The following MCM7 variants were observed in gnomAD, a reference collection of about 807,000 sequenced individuals.
MCM7 encodes DNA replication licensing factor MCM7.
Under a neutral mutation model 83.5 loss-of-function variants are expected in MCM7, and 95 were observed. The observed-to-expected ratio is 1.14, with a 90% CI of 0.96 to 1.35. The LOEUF is 1.35. MCM7 is among the 40% of genes most tolerant of loss of function. The pLI is 0.00. For missense variants in MCM7, 1,087 were observed against 957.4 expected, an observed-to-expected ratio of 1.14 and a Z score of -1.79; for synonymous variants, 461 against 352.7, an observed-to-expected ratio of 1.31 and a Z score of -3.44.
intron 5 of MCM7, 66 bp downstream of exon 5, chr7:100,098,957 G>C (rs1437513077): frequency 3.1e-6 from 5 of 1,592,810 alleles, no homozygotes; most frequent in Non-Finnish European, 4.3e-6. Context: ...GGCATCACAG[G>C]ATCAAATTAA....
rs745335018 is a variant in MCM7, at chr7:100,093,678, A to C, written c.1849-277T>G. On this transcript the variant is annotated intron_variant, in intron 13 of 14. Coordinates refer to ENST00000303887, the MANE Select transcript of MCM7 (RefSeq NM_005916.5). ...GTTCAGCTGTCCTGTGAGGGAGACC[A>C]GACCCTTTTGAACGCCACTGGGCTC... 1.1e-5 allele frequency: 8 copies of C among 711,490 alleles called. No homozygotes were observed. The Admixed American group carries it at 1.4e-4, about 13-fold the overall frequency. The allele number at this position is 711,490 out of a possible 1,614,324, so 44.1% of individuals were successfully genotyped here.
chr7:100,099,895 C>A, intron 2 of MCM7, 119 bp downstream of exon 2: 1 of 1,424,290 alleles, frequency 7.0e-7, no homozygotes, highest in Non-Finnish European at 9.8e-7. Flanking sequence ...CAGAGCGATA[C>A]TCGCTTTTCA....
chr7:100,093,704 C>T, intron 13 of MCM7: 4 of 674,044 alleles, frequency 5.9e-6, no homozygotes, highest in Non-Finnish European at 1.1e-5. Context: ...CACTGGGCTC[C>T]CCAGCATGAC....
rs1159299653 is a variant in MCM7, at chr7:100,095,277, A to G, written c.1679+110T>C. On this transcript the variant is annotated intron_variant, in intron 12 of 14. Transcript: ENST00000303887. ...GATCTGAGGCTCTGGACATGTCTGT[A>G]GCGGGAAGTGGTGGTGTGAAAAACA... 4 of 897,942 alleles carry G rather than the reference A, an allele frequency of 4.5e-6. No individual in the cohort carries two copies. The East Asian group carries it at 7.9e-5, about 18-fold the overall frequency. 55.6% of individuals were successfully genotyped at this position (897,942 alleles called of 1,614,324 possible).
intron 5 of MCM7, 76 bp downstream of exon 5, chr7:100,098,947 G>C: frequency 6.4e-7 from 1 of 1,572,680 alleles, no homozygotes; most frequent in Non-Finnish European, 8.7e-7. Context: ...TAAAACAATA[G>C]GCATCACAGG....
rs761417773 is a variant in MCM7, at chr7:100,097,696, G to A, written c.1035C>T (p.Tyr345=). Residue 345 remains tyrosine, a synonymous_variant, in exon 9 of 15, where the codon TAC becomes TAT. Coordinates refer to ENST00000303887, the MANE Select transcript of MCM7 (RefSeq NM_005916.5). The part of the protein sequence containing the change: ...KLAASIAPEI[Y]GHEDVKKALL... ...GTGCCTTCTTCACATCTTCATGCCC[G>A]TATATTTCTGGGGCGATTGAAGCTG... 65 of 1,614,024 alleles carry A rather than the reference G, an allele frequency of 4.0e-5. No individual in the cohort carries two copies. The highest frequency in any genetic ancestry group is 1.6e-4 in the Middle Eastern group (1 of 6,084).
chr7:100,100,546 G>A (rs1410865399), intron 1 of MCM7: 3 of 993,372 alleles, frequency 3.0e-6, no homozygotes, highest in South Asian at 4.3e-5. Context: ...AGAAGCACAT[G>A]GGCCCGGATT....
chr7:100,100,498 C>T, intron 1 of MCM7: 2 of 1,002,654 alleles, frequency 2.0e-6, no homozygotes, highest in South Asian at 4.0e-5. Context: ...CCGCACCCCA[C>T]CCCCGCTCCC....
chr7:100,097,507 C>T lies in MCM7; in HGVS notation c.1117+107G>A, dbSNP rs539847895. 34 of 1,584,036 alleles carry T rather than the reference C, an allele frequency of 2.1e-5. No individual in the cohort carries two copies. In the East Asian group the frequency reaches 3.8e-4, roughly 18 times the overall value. On this transcript the variant is annotated intron_variant, in intron 9 of 14. Coordinates refer to ENST00000303887, the MANE Select transcript of MCM7 (RefSeq NM_005916.5). ...TATTTCTAAGCCCTCCCTGTGTCCACGAAGGCAAGATGTCCACTCATACTG... is the reference window on the plus strand; with the variant it reads ...TATTTCTAAGCCCTCCCTGTGTCCATGAAGGCAAGATGTCCACTCATACTG...
rs1299257594 is a variant in MCM7 at position 100,093,066 on chromosome 7, G to A, written c.2026C>T (p.Arg676Trp). 2.0e-5 allele frequency: 33 copies of A among 1,614,106 alleles called. No homozygotes were observed. The highest frequency in any genetic ancestry group is 4.0e-5 in the African/African-American group (3 of 74,942). ...RELVSGGRSV[R>W]FSEAEQRCVS... is the part of the protein sequence containing the mutation. ...CAGCGCTGCTCTGCCTCAGAGAACC[G>A]GACACTTCGGCCCCCTGAGACCAGT... Residue 676 changes from arginine (R) to tryptophan (W), a missense_variant, in exon 15 of 15, where the codon CGG (arginine) becomes TGG (tryptophan). Physicochemically the swap from Arg to Trp is moderately radical, Grantham distance 101. Coordinates refer to ENST00000303887, the MANE Select transcript of MCM7 (RefSeq NM_005916.5).
chr7:100,093,792 C>T (rs759778302), intron 13 of MCM7: 1 of 617,376 alleles, frequency 1.6e-6, no homozygotes, highest in Non-Finnish European at 3.2e-6. Flanking sequence ...AGTGCTAGCT[C>T]AGCAGTAGGT....
Position 100,099,862 on chromosome 7 carries a change from AC to A in MCM7, c.112-110del, listed in dbSNP as rs1795858792. 5 of 1,476,610 alleles carry A rather than the reference AC, an allele frequency of 3.4e-6. No homozygotes were observed. In the South Asian group the frequency reaches 4.8e-5, roughly 14 times the overall value. 91.5% of individuals were successfully genotyped at this position (1,476,610 alleles called of 1,614,324 possible). On this transcript the variant is annotated intron_variant, in intron 2 of 14. Coordinates refer to ENST00000303887, the MANE Select transcript of MCM7 (RefSeq NM_005916.5). ...AACTCAGCACAGGCTCTGGGCATCC[AC>A]AGGGGAGAACGCAGCGCCACACAGA...
intron 5 of MCM7, 137 bp downstream of exon 5, chr7:100,098,886 C>T (rs1562897810): frequency 7.3e-7 from 1 of 1,374,442 alleles, no homozygotes; most frequent in Middle Eastern, 2.1e-4. Flanking sequence ...AGAAAGACCA[C>T]TACATACCCA....
At chr7:100,100,905 C>G (rs1795977113) in intron 1 of MCM7, 1 of 1,057,420 alleles carries the variant, frequency 9.5e-7, no homozygotes, top group Non-Finnish European at 1.2e-6. Flanking sequence ...CCTGGGAATG[C>G]CCAAAAGCGC....
At chr7:100,095,350 A>G (rs1280892610) in intron 12 of MCM7, 37 bp downstream of exon 12, 3 of 1,583,404 alleles carry the variant, frequency 1.9e-6, no homozygotes, top group Non-Finnish European at 1.7e-6. Context: ...CGCACGGCCC[A>G]CGCCAACGTT....
rs375752113 is a variant in MCM7 at position 100,097,309 on chromosome 7, G to A, written c.1193C>T (p.Ala398Val). 2.2e-5 allele frequency: 35 copies of A among 1,613,862 alleles called. 1 individual carries two copies. Among genetic ancestry groups the A allele is most frequent in the African/African-American group, 1.3e-4 (10 of 74,900 alleles). ...AAAGCCCAACTACTTACTGCGAGGC[G>A]CCAGTCGATCAATGTATGACAGGAG... ...SQLLSYIDRL[A>V]PRSQYTTGRG... is the part of the protein sequence containing the mutation. Residue 398 changes from alanine to valine, a missense_variant, in exon 10 of 15, where the codon GCG becomes GTG. Coordinates refer to ENST00000303887, the MANE Select transcript of MCM7 (RefSeq NM_005916.5).
chr7:100,101,368 G>T lies in MCM7; in HGVS notation c.-74C>A. Reference sequence around the variant, plus strand: ...TCCTGGGGAAGCTGAGAATCTCCGCGCGGTGGACTGTGGCCGGCCAACCGA... The same window carrying T: ...TCCTGGGGAAGCTGAGAATCTCCGCTCGGTGGACTGTGGCCGGCCAACCGA... On this transcript the variant is annotated 5_prime_UTR_variant, in exon 1 of 15. Coordinates refer to ENST00000303887, the MANE Select transcript of MCM7 (RefSeq NM_005916.5). 1.3e-6 allele frequency: 2 copies of T among 1,595,452 alleles called. No homozygotes were observed.
At position 100,097,329 on chromosome 7, in the gene MCM7, C is replaced by G. The variant is rs1735172316; in HGVS notation, c.1173G>C (p.Leu391=). 1.2e-6 allele frequency: 2 copies of G among 1,614,194 alleles called. No individual in the cohort carries two copies. Among genetic ancestry groups the G allele is most frequent in the Non-Finnish European group, 1.7e-6 (2 of 1,180,042 alleles). The change falls in exon 10 of 15, where the codon CTG becomes CTC. Residue 391 remains leucine, a synonymous_variant. Coordinates refer to ENST00000303887, the MANE Select transcript of MCM7 (RefSeq NM_005916.5). ...GAGGCGCCAGTCGATCAATGTATGACAGGAGCTGAGACTTGGCCACACCAG... is the reference window on the plus strand; with the variant it reads ...GAGGCGCCAGTCGATCAATGTATGAGAGGAGCTGAGACTTGGCCACACCAG... ...GDPGVAKSQL[L]SYIDRLAPRS... is the part of the protein sequence containing the mutation.
In MCM7 at chr7:100,095,522, T is replaced by G. The variant is rs765848327; in HGVS notation, c.1596-52A>C. ...CACCCTTTTTAGGGCTACGCACCCA[T>G]GTCCTCTTAGGTGTCCCTCCTTTGG... On this transcript the variant is annotated intron_variant, in intron 11 of 14. Coordinates refer to ENST00000303887, the MANE Select transcript of MCM7 (RefSeq NM_005916.5). The G allele has an allele frequency of 3.1e-5, 48 of 1,553,772 alleles. 1 individual carries two copies. In the South Asian group the frequency reaches 5.1e-4, roughly 17 times the overall value.
Sources: allele counts gnomAD v4.1 joint callset, GRCh38; gene constraint gnomAD v4.1.1; transcripts MANE v1.5; gene names NCBI Gene and HGNC (gene_info 2026-07-23, HGNC 2026-07-21).